Variants in PRKN observed in about 807,000 individuals in gnomAD.
PRKN encodes E3 ubiquitin-protein ligase parkin.
Under a neutral mutation model 59.5 loss-of-function variants are expected in PRKN, and 56 were observed. That is an observed-to-expected ratio of 0.94 (90% CI 0.76 to 1.18). The LOEUF (loss-of-function observed/expected upper bound fraction) is 1.18. Ranked by LOEUF, PRKN falls within the 50% of genes most tolerant of loss-of-function variation. PRKN has a pLI of 0.00. For synonymous variants in PRKN, 250 were observed against 222.1 expected, an observed-to-expected ratio of 1.13 and a Z score of -1.12; for missense variants, 657 against 596.4, an observed-to-expected ratio of 1.10 and a Z score of -1.06.
chr6:162,144,162 T>C (rs1468064045), intron 4 of PRKN, among the ~76,000 whole-genome samples: 1 of 152,192 alleles, frequency 6.6e-6, no homozygotes, highest in African/African-American at 2.4e-5. Flanking sequence ...TTGACCCTGT[T>C]ACCGCGCACA....
intron 1 of PRKN, among the ~76,000 whole-genome samples, chr6:162,529,125 C>T (rs548305713): frequency 2.0e-5 from 3 of 152,234 alleles, no homozygotes; most frequent in South Asian, 2.1e-4. Context: ...CTGCCCACCT[C>T]GGTCTCCTCA....
At chr6:162,014,382 C>G (rs945731624) in intron 5 of PRKN, among the ~76,000 whole-genome samples, 3 of 152,148 alleles carry the variant, frequency 2.0e-5, no homozygotes, top group Admixed American at 6.5e-5. Context: ...TAGCTGAGGC[C>G]CTGGGCAAGG....
intron 7 of PRKN, among the ~76,000 whole-genome samples, chr6:161,765,923 A>C (rs1789405133): frequency 6.6e-6 from 1 of 152,214 alleles, no homozygotes; most frequent in South Asian, 2.1e-4. Flanking sequence ...AAATAAAACA[A>C]AATGCTTTGA....
At chr6:162,607,058 G>A (rs1781949541) in intron 1 of PRKN, among the ~76,000 whole-genome samples, 1 of 150,940 alleles carries the variant, frequency 6.6e-6, no homozygotes, top group Admixed American at 6.6e-5. Context: ...CCCAGCTTGG[G>A]AGTGGGTGGG....
intron 1 of PRKN, among the ~76,000 whole-genome samples, chr6:162,581,191 A>T (rs951339528): frequency 6.6e-6 from 1 of 152,222 alleles, no homozygotes; most frequent in Non-Finnish European, 1.5e-5. Context: ...AATACCAAGC[A>T]TCTGAGATAT....
rs1444745992 is a variant in PRKN at position 161,552,203 on chromosome 6, GT to G, written c.934-3201del. On this transcript the variant is annotated intron_variant, in intron 8 of 11. Transcript: ENST00000366898. The surrounding 1 kb of genome is among the most constrained non-coding windows in gnomAD (Gnocchi z 4.9). ...AAAGTAGAAAGAATGGTGGATTTAA[GT>G]TTGGTTGCAGTTTTGCCGGAATTGT... Among the ~76,000 whole-genome samples the G allele has an allele frequency of 6.6e-6, 1 of 152,216 alleles. No homozygotes were observed. Among genetic ancestry groups the G allele is most frequent in the Non-Finnish European group, 1.5e-5 (1 of 68,044 alleles).
intron 5 of PRKN, among the ~76,000 whole-genome samples, chr6:162,050,587 C>T (rs1777594777): frequency 6.6e-6 from 1 of 151,894 alleles, no homozygotes; most frequent in Admixed American, 6.6e-5. Context: ...TTGACAATGA[C>T]TAGACTGACC....
chr6:162,212,491 G>A (rs1427867705), intron 3 of PRKN, among the ~76,000 whole-genome samples: 1 of 152,184 alleles, frequency 6.6e-6, no homozygotes. Context: ...ACAGATTACA[G>A]TAATGTTTCT....
intron 1 of PRKN, among the ~76,000 whole-genome samples, chr6:162,472,750 C>CA (rs1791820309): frequency 2.6e-5 from 3 of 116,160 alleles, no homozygotes; most frequent in South Asian, 2.9e-4. Context: ...CTTGGCCTCC[C>CA]AAAGTGCTGG....
intron 7 of PRKN, among the ~76,000 whole-genome samples, chr6:161,712,507 A>G (rs763737708): frequency 2.6e-5 from 4 of 152,156 alleles, no homozygotes; most frequent in Non-Finnish European, 4.4e-5. Flanking sequence ...TCTCAAAAAA[A>G]CCTTCCAATA....
Position 162,498,438 on chromosome 6 carries a change from TC to T in PRKN, c.8-54966del, listed in dbSNP as rs61285160. Reference sequence around the variant, plus strand: ...TTTGAGATGGAGTTTCTTTCCTTTTTCTTTTTTTTTTTTTTTTTTTTTTTGA... The same window carrying T: ...TTTGAGATGGAGTTTCTTTCCTTTTTTTTTTTTTTTTTTTTTTTTTTTTGA... On this transcript the variant is annotated intron_variant, in intron 1 of 11. Transcript: ENST00000366898. Among the ~76,000 whole-genome samples the T allele has an allele frequency of 5.2e-3, 425 of 82,138 alleles. 42 individuals carry two copies. Among genetic ancestry groups the T allele is most frequent in the African/African-American group, 7.2e-3 (164 of 22,816 alleles). 53.9% of individuals were successfully genotyped at this position (82,138 alleles called of 152,430 possible).
At chr6:162,450,112 C>A (rs2128170363) in intron 1 of PRKN, among the ~76,000 whole-genome samples, 1 of 152,188 alleles carries the variant, frequency 6.6e-6, no homozygotes, top group Non-Finnish European at 1.5e-5. Context: ...AAAGAGAAAC[C>A]CAAATTTCTA....
intron 7 of PRKN, among the ~76,000 whole-genome samples, chr6:161,680,726 C>CATACATACATAT (rs1785285558): frequency 2.0e-5 from 1 of 51,038 alleles, no homozygotes; most frequent in Admixed American, 3.4e-4. Flanking sequence ...TCCTGAAATA[C>CATACATACATAT]ATATATATAT....
chr6:162,501,937 T>C (rs1793394019), intron 1 of PRKN, among the ~76,000 whole-genome samples: 1 of 152,122 alleles, frequency 6.6e-6, no homozygotes, highest in African/African-American at 2.4e-5. Context: ...GATATATTGA[T>C]GTAATGTGGG....
intron 9 of PRKN, among the ~76,000 whole-genome samples, chr6:161,411,829 CCACT>C (rs1583033511): frequency 6.8e-6 from 1 of 148,032 alleles, no homozygotes; most frequent in Admixed American, 6.7e-5. Context: ...ATTCATTCCT[CCACT>C]CACTCATTCC....
Position 161,710,944 on chromosome 6 carries a change from C to CCTT in PRKN, c.871+74827_871+74828insAAG, listed in dbSNP as rs1291824092. ...TTCCTCACCCCTTCCTTCCTTCCTT[C>CCTT]CCCACTCCCTCCCTCCCTTCTCCCT... On this transcript the variant is annotated intron_variant, in intron 7 of 11. Transcript: ENST00000366898. Among the ~76,000 whole-genome samples the CCTT allele has an allele frequency of 2.4e-4, 35 of 146,976 alleles. 2 individuals carry two copies. The Admixed American group carries it at 2.4e-3, about 10-fold the overall frequency.
chr6:162,598,908 A>T (rs1374285804), intron 1 of PRKN, among the ~76,000 whole-genome samples: 1 of 151,192 alleles, frequency 6.6e-6, no homozygotes, highest in Admixed American at 6.6e-5. Flanking sequence ...ATATTAAATG[A>T]TTAAATGCAG....
At chr6:162,656,786 A>G (rs919808525) in intron 1 of PRKN, among the ~76,000 whole-genome samples, 1 of 152,004 alleles carries the variant, frequency 6.6e-6, no homozygotes, top group African/African-American at 2.4e-5. Context: ...AGACCTTCCA[A>G]CAGCTGGCCT....
intron 7 of PRKN, among the ~76,000 whole-genome samples, chr6:161,641,539 G>A (rs887422318): frequency 8.5e-5 from 13 of 152,098 alleles, no homozygotes; most frequent in African/African-American, 3.1e-4. Flanking sequence ...TCCCATCCCC[G>A]AGTTTTCTGG....
Sources: allele counts gnomAD v4.1 joint callset (sites outside exome capture counted in the v4.1 genomes callset), GRCh38; gene constraint gnomAD v4.1.1; non-coding constraint Gnocchi (gnomAD v3.1); transcripts MANE v1.5; gene names NCBI Gene and HGNC (gene_info 2026-07-23, HGNC 2026-07-21).